VIT: variants seen among roughly 807,000 people sequenced by gnomAD.
VIT encodes the protein vitrin.
VIT carries 99 observed loss-of-function variants against 78.0 expected under a neutral mutation model. The observed-to-expected ratio is 1.27, with a 90% CI of 1.08 to 1.50. The LOEUF (loss-of-function observed/expected upper bound fraction) is 1.50. Ranked by LOEUF, VIT falls within the 40% of genes most tolerant of loss-of-function variation. VIT has a pLI of 0.00. For synonymous variants in VIT, 374 were observed against 334.3 expected (o/e 1.12, Z -1.29); for missense variants, 1,126 against 875.3 (o/e 1.29, Z -3.61).
chr2:36,710,759 A>G (rs941558444), intron 1 of VIT, among the ~76,000 whole-genome samples: 1 of 152,194 alleles, frequency 6.6e-6, no homozygotes, highest in African/African-American at 2.4e-5. Flanking sequence ...ATTGCTGAGT[A>G]GTATTTCATT....
intron 4 of VIT, among the ~76,000 whole-genome samples, chr2:36,753,588 T>G (rs779827169): frequency 1.3e-5 from 2 of 152,106 alleles, no homozygotes; most frequent in Non-Finnish European, 2.9e-5. Context: ...AGCAAAGTCA[T>G]GTCAGAATCT....
At chr2:36,716,803 C>T (rs934955518) in intron 2 of VIT, among the ~76,000 whole-genome samples, 2 of 148,476 alleles carry the variant, frequency 1.3e-5, no homozygotes, top group Admixed American at 6.7e-5. Context: ...AACAAATGAA[C>T]AAAAATTCTT....
At chr2:36,707,781 C>T (rs929124100) in intron 1 of VIT, among the ~76,000 whole-genome samples, 3 of 151,338 alleles carry the variant, frequency 2.0e-5, no homozygotes, top group Admixed American at 2.0e-4. Flanking sequence ...TTCTTAGGAA[C>T]CACCATACTG....
At chr2:36,767,329 A>C in intron 7 of VIT, 44 bp downstream of exon 7, 1 of 1,442,490 alleles carries the variant, frequency 6.9e-7, no homozygotes, top group South Asian at 1.6e-5. Flanking sequence ...GGGAAATGGG[A>C]AATTGGGCTT....
At chr2:36,728,571 T>C (rs1278618922) in intron 2 of VIT, among the ~76,000 whole-genome samples, 1 of 29,474 alleles carries the variant, frequency 3.4e-5, no homozygotes, top group Non-Finnish European at 1.2e-4. Context: ...CCCAGCACTT[T>C]GGGAGGCCGA....
intron 15 of VIT, 116 bp downstream of exon 15, chr2:36,809,101 A>G: frequency 7.3e-7 from 1 of 1,377,416 alleles, no homozygotes; most frequent in Non-Finnish European, 9.7e-7. Flanking sequence ...CGACTTAATA[A>G]AAATGTTCAA....
At chr2:36,709,552 T>C (rs1558504401) in intron 1 of VIT, among the ~76,000 whole-genome samples, 1 of 152,230 alleles carries the variant, frequency 6.6e-6, no homozygotes, top group Non-Finnish European at 1.5e-5. Context: ...CGTATACTTT[T>C]ATTTTTTAAT....
intron 1 of VIT, 34 bp from the exon 2 acceptor site, chr2:36,716,319 A>G (rs1425544083): frequency 1.9e-6 from 3 of 1,589,124 alleles, no homozygotes; most frequent in East Asian, 4.5e-5. Flanking sequence ...CCCCCGGCTG[A>G]AATATGATGA....
At chr2:36,792,599 G>A (rs1407442417) in intron 12 of VIT, among the ~76,000 whole-genome samples, 1 of 152,182 alleles carries the variant, frequency 6.6e-6, no homozygotes, top group African/African-American at 2.4e-5. Context: ...TAAAACTCCA[G>A]ATGCCCAGAC....
chr2:36,809,074 T>G (rs1173137720), intron 15 of VIT, 89 bp downstream of exon 15: 1 of 1,482,984 alleles, frequency 6.7e-7, no homozygotes, highest in Non-Finnish European at 9.0e-7. Context: ...TGTCTTTTTA[T>G]GCATTGGTTT....
intron 7 of VIT, among the ~76,000 whole-genome samples, chr2:36,770,206 T>C (rs911751624): frequency 6.6e-6 from 1 of 152,198 alleles, no homozygotes; most frequent in African/African-American, 2.4e-5. Flanking sequence ...CTGGGCTACA[T>C]CGATGAACAC....
intron 10 of VIT, among the ~76,000 whole-genome samples, chr2:36,783,040 C>T (rs561870280): frequency 6.6e-6 from 1 of 152,282 alleles, no homozygotes; most frequent in African/African-American, 2.4e-5. Flanking sequence ...TTACAATGGC[C>T]AAGTGCTTAA....
chr2:36,809,082 T>A (rs1011298607), intron 15 of VIT, 97 bp downstream of exon 15: 3 of 1,454,902 alleles, frequency 2.1e-6, no homozygotes, highest in Non-Finnish European at 2.8e-6. Context: ...TATGCATTGG[T>A]TTTTTCTGCG....
chr2:36,762,105 G>A (rs778570336), intron 6 of VIT, among the ~76,000 whole-genome samples: 22 of 152,154 alleles, frequency 1.4e-4, no homozygotes, highest in Non-Finnish European at 2.6e-4. Flanking sequence ...TGGTTTGTAC[G>A]TTCTCCGCAG....
chr2:36,715,996 A>C (rs190412447), intron 1 of VIT, among the ~76,000 whole-genome samples: 1 of 152,366 alleles, frequency 6.6e-6, no homozygotes, highest in East Asian at 1.9e-4. Flanking sequence ...TAATAATTGT[A>C]ATCTAAATAT....
At chr2:36,801,025 G>A (rs554814085) in intron 12 of VIT, among the ~76,000 whole-genome samples, 15 of 152,260 alleles carry the variant, frequency 9.9e-5, no homozygotes, top group Non-Finnish European at 1.5e-4. Context: ...GTGTTATAAC[G>A]ATGTTTTCAT....
At chr2:36,717,354 G>A (rs1387053086) in intron 2 of VIT, among the ~76,000 whole-genome samples, 1 of 138,652 alleles carries the variant, frequency 7.2e-6, no homozygotes, top group East Asian at 2.2e-4. Flanking sequence ...GTGTGTGTGT[G>A]TGTGTGTGTG....
rs185913694 is a variant in VIT, at chr2:36,715,305, C to T, written c.-18-1048C>T. 4.2e-3 allele frequency among the ~76,000 whole-genome samples: 639 copies of T among 152,034 alleles called. 3 individuals carry two copies. The highest frequency in any genetic ancestry group is 6.1e-3 in the Non-Finnish European group (415 of 67,964). The stretch of plus-strand genomic sequence containing the variant: ...CTGTAATTCCAGCACTTTGGGAGGC[C>T]GAGGCAGGTGGATCACAAGGTCAGG... On this transcript the variant is annotated intron_variant, in intron 1 of 15. Coordinates refer to ENST00000379242, the MANE Select transcript of VIT (RefSeq NM_053276.4).
intron 3 of VIT, among the ~76,000 whole-genome samples, chr2:36,730,517 G>A (rs1251339991): frequency 6.6e-6 from 1 of 152,128 alleles, no homozygotes; most frequent in Non-Finnish European, 1.5e-5. Flanking sequence ...CAGTAGGAAG[G>A]GATGAAGAAG....
Sources: gnomAD v4.1 joint callset for allele counts (sites outside exome capture counted in the v4.1 genomes callset) on GRCh38, gnomAD v4.1.1 for gene constraint, MANE v1.5 for transcripts, NCBI Gene and HGNC (gene_info 2026-07-23, HGNC 2026-07-21) for gene names.